The following FBXO34 variants were observed in gnomAD, a reference collection of about 807,000 sequenced individuals.
FBXO34 encodes the protein F-box only protein 34.
In FBXO34, 12 loss-of-function variants were observed where a neutral mutation model predicts 24.5. That is an observed-to-expected ratio of 0.49 (90% CI 0.31 to 0.79). The LOEUF (loss-of-function observed/expected upper bound fraction) is 0.79, where lower values mean the gene tolerates loss of function less well. FBXO34 is among the 30% of genes least tolerant of loss of function. The pLI is 0.04. For synonymous variants in FBXO34, 320 were observed against 311.9 expected, an observed-to-expected ratio of 1.03 and a Z score of -0.27; for missense variants, 823 against 857.7, an observed-to-expected ratio of 0.96 and a Z score of 0.51.
intron 1 of FBXO34, among the ~76,000 whole-genome samples, chr14:55,281,969 T>G (rs1881559008): frequency 6.6e-6 from 1 of 151,272 alleles, no homozygotes; most frequent in African/African-American, 2.4e-5. Context: ...TTTATTCCAG[T>G]AAGTTTCATT....
downstream of FBXO34, among the ~76,000 whole-genome samples, chr14:55,364,372 T>A (rs905945719): frequency 6.6e-6 from 1 of 152,214 alleles, no homozygotes; most frequent in African/African-American, 2.4e-5. Flanking sequence ...TAAATAACTC[T>A]TTAGTTTACT....
intron 1 of FBXO34, among the ~76,000 whole-genome samples, chr14:55,279,888 A>G (rs1881474830): frequency 6.6e-6 from 1 of 152,256 alleles, no homozygotes. Flanking sequence ...GAGCCAGTAG[A>G]TACTGAGTAG....
At chr14:55,350,043 A>G (rs1884293337) in intron 1 of FBXO34, among the ~76,000 whole-genome samples, 1 of 152,048 alleles carries the variant, frequency 6.6e-6, no homozygotes, top group Admixed American at 6.5e-5. Context: ...ACTATGCCTA[A>G]TACTTAGTTG....
At chr14:55,372,680 CCCTT>C (rs750961634), downstream of FBXO34, among the ~76,000 whole-genome samples, 60 of 151,900 alleles carry the variant, frequency 3.9e-4, no homozygotes, top group South Asian at 2.1e-3. Flanking sequence ...CCTCCCTGCT[CCCTT>C]CCTTCCTTCC....
At chr14:55,410,586 G>T in the FBXO34 span, among the ~76,000 whole-genome samples, 1 of 152,180 alleles carries the variant, frequency 6.6e-6, no homozygotes, top group Admixed American at 6.5e-5. Flanking sequence ...GAAATACTAA[G>T]AACTCAAAAC....
chr14:55,392,717 G>C, the FBXO34 span, among the ~76,000 whole-genome samples: 26 of 151,278 alleles, frequency 1.7e-4, no homozygotes, highest in Non-Finnish European at 2.8e-4. Flanking sequence ...TAATGACTCC[G>C]TAAAGTGAAT....
chr14:55,373,464 TA>T (rs761842608), downstream of FBXO34, among the ~76,000 whole-genome samples: 3 of 152,170 alleles, frequency 2.0e-5, no homozygotes, highest in East Asian at 3.8e-4. Flanking sequence ...TTTTATTACT[TA>T]TTTTTTTATT....
the FBXO34 span, among the ~76,000 whole-genome samples, chr14:55,402,075 A>G: frequency 1.3e-5 from 2 of 151,906 alleles, no homozygotes; most frequent in African/African-American, 4.9e-5. Flanking sequence ...TCTGCCTTAT[A>G]TTACCAGAAA....
chr14:55,365,193 A>G (rs187383386), downstream of FBXO34, among the ~76,000 whole-genome samples: 1 of 150,004 alleles, frequency 6.7e-6, no homozygotes, highest in South Asian at 2.1e-4. Context: ...CCTGGGCAAC[A>G]AAGTGAGACT....
chr14:55,365,730 C>T (rs895360365), downstream of FBXO34, among the ~76,000 whole-genome samples: 4 of 152,226 alleles, frequency 2.6e-5, no homozygotes, highest in East Asian at 1.9e-4. Flanking sequence ...AGAACCCTTC[C>T]GTTTCCTTGC....
the FBXO34 span, among the ~76,000 whole-genome samples, chr14:55,398,155 G>C: frequency 6.6e-6 from 1 of 152,026 alleles, no homozygotes; most frequent in Non-Finnish European, 1.5e-5. Context: ...GTTTCACTGT[G>C]TTAGCAAGGA....
Position 55,281,787 on chromosome 14 carries a change from G to T in FBXO34, c.-11+10250G>T, listed in dbSNP as rs1181757495. ...GGCATTTCATTGTATACTGTTGCTT[G>T]TTGCTCTTTGTTTCACGTGTAATGA... On this transcript the variant is annotated intron_variant, in intron 1 of 1. Transcript: ENST00000313833. Among the ~76,000 whole-genome samples, 8 of 152,128 alleles carry T rather than the reference G, an allele frequency of 5.3e-5. No individual in the cohort carries two copies. In the South Asian group the frequency reaches 1.5e-3, roughly 28 times the overall value.
At chr14:55,272,743 C>T (rs762871199) in intron 1 of FBXO34, among the ~76,000 whole-genome samples, 3 of 151,916 alleles carry the variant, frequency 2.0e-5, no homozygotes, top group Non-Finnish European at 2.9e-5. Context: ...ACCATGCTAC[C>T]ACCCCATGCT....
intron 1 of FBXO34, among the ~76,000 whole-genome samples, chr14:55,291,591 C>G (rs901305749): frequency 6.6e-6 from 1 of 151,684 alleles, no homozygotes; most frequent in Non-Finnish European, 1.5e-5. Flanking sequence ...CTCCTCACTT[C>G]AGGAGGTGAA....
intron 1 of FBXO34, among the ~76,000 whole-genome samples, chr14:55,303,596 C>CT (rs77688856): frequency 0.33 from 46,003 of 139,144 alleles, 7,250 homozygotes; most frequent in East Asian, 0.38. Context: ...CCATTCTTAT[C>CT]TTTTTTTTTT....
the FBXO34 span, among the ~76,000 whole-genome samples, chr14:55,412,935 C>T: frequency 1.3e-5 from 2 of 152,150 alleles, no homozygotes; most frequent in Non-Finnish European, 2.9e-5. Flanking sequence ...TTAGCCCGTC[C>T]CTCCCTGTTA....
chr14:55,397,169 G>A, the FBXO34 span, among the ~76,000 whole-genome samples: 1 of 152,084 alleles, frequency 6.6e-6, no homozygotes, highest in Non-Finnish European at 1.5e-5. Context: ...ACCACACACC[G>A]GATCTGAGGC....
At chr14:55,369,517 T>C, downstream of FBXO34, 2 of 1,161,152 alleles carry the variant, frequency 1.7e-6, no homozygotes, top group Non-Finnish European at 2.4e-6. Flanking sequence ...TTTAACCTCT[T>C]TGTTCCAGAC....
intron 1 of FBXO34, among the ~76,000 whole-genome samples, chr14:55,330,308 A>G (rs1376870354): frequency 6.6e-6 from 1 of 152,104 alleles, no homozygotes; most frequent in Non-Finnish European, 1.5e-5. Flanking sequence ...CCAGGATCAG[A>G]TTCAGTTTCA....
Sources: allele counts gnomAD v4.1 joint callset (sites outside exome capture counted in the v4.1 genomes callset), GRCh38; gene constraint gnomAD v4.1.1; transcripts MANE v1.5; gene names NCBI Gene and HGNC (gene_info 2026-07-23, HGNC 2026-07-21).